The following BCL6 variants were observed in gnomAD, a reference collection of about 807,000 sequenced individuals.
BCL6 encodes BCL6 transcription repressor.
Under a neutral mutation model 59.5 loss-of-function variants are expected in BCL6, and 7 were observed. The ratio of observed to expected loss-of-function variants is 0.12; its 90% CI spans 0.07 to 0.22. BCL6 has a LOEUF of 0.22. Ranked by LOEUF, BCL6 falls within the 10% of genes least tolerant of loss-of-function variation. The pLI is 1.00. For synonymous variants in BCL6, 339 were observed against 349.7 expected, an observed-to-expected ratio of 0.97 and a Z score of 0.34; for missense variants, 685 against 939.4, an observed-to-expected ratio of 0.73 and a Z score of 3.54.
At position 187,723,409 on chromosome 3, in the gene BCL6, G is replaced by A. The variant is rs533320907; in HGVS notation, c.1978-808C>T. Among the ~76,000 whole-genome samples, 187 of 152,232 alleles carry A rather than the reference G, an allele frequency of 1.2e-3. 2 individuals are homozygous for A. The highest frequency in any genetic ancestry group is 6.8e-3 in the Middle Eastern group (2 of 294). ...AAGGACATTCTTAGATAAAAACAAA[G>A]AAAATGTAAGTAAAGTACGAACTTT... is the stretch of plus-strand genomic sequence containing the variant. On this transcript the variant is annotated intron_variant, in intron 9 of 9. Coordinates refer to ENST00000406870, the MANE Select transcript of BCL6 (RefSeq NM_001706.5).
chr3:187,734,586 G>C (rs1719201455), intron 2 of BCL6: 1 of 152,210 alleles, frequency 6.6e-6, no homozygotes, highest in South Asian at 2.1e-4. Flanking sequence ...TTAGGCTTTA[G>C]AGTTGCTTGA....
chr3:187,730,504 C>T lies in BCL6; in HGVS notation c.384-483G>A, dbSNP rs114688238. On this transcript the variant is annotated intron_variant, in intron 4 of 9. Coordinates refer to ENST00000406870, the MANE Select transcript of BCL6 (RefSeq NM_001706.5). ...ACACTTTTGGAGGATCATACACAAA[C>T]GAGTAGCCTACTGAAGAAAGAACTT... Among the ~76,000 whole-genome samples the T allele has an allele frequency of 3.3e-3, 501 of 152,294 alleles. 1 individual carries two copies. Among genetic ancestry groups the T allele is most frequent in the African/African-American group, 0.012 (478 of 41,554 alleles).
At chr3:187,744,606 C>G (rs1576885238) in intron 1 of BCL6, among the ~76,000 whole-genome samples, 1 of 152,136 alleles carries the variant, frequency 6.6e-6, no homozygotes, top group African/African-American at 2.4e-5. Context: ...CCAAAGAGTT[C>G]GCTTGCATTT....
chr3:187,725,084 C>T lies in BCL6; in HGVS notation c.1840-6G>A, dbSNP rs367579612. The T allele has an allele frequency of 7.2e-5, 116 of 1,613,748 alleles. 1 individual carries two copies. Among genetic ancestry groups the T allele is most frequent in the Middle Eastern group, 3.4e-4 (2 of 5,862 alleles). ...TGGGCACGGAGGTGGGCCACCTGAACGAAGAAGAAGGCATGAGAGGTCTTC... is the reference window on the plus strand; with the variant it reads ...TGGGCACGGAGGTGGGCCACCTGAATGAAGAAGAAGGCATGAGAGGTCTTC... On this transcript the variant is annotated splice_polypyrimidine_tract_variant and splice_region_variant and intron_variant, in intron 8 of 9. Transcript: ENST00000406870. The surrounding 1 kb of genome is among the most constrained non-coding windows in gnomAD (Gnocchi z 4.7).
intron 1 of BCL6, among the ~76,000 whole-genome samples, chr3:187,740,314 C>T (rs1325835267): frequency 5.9e-5 from 9 of 152,046 alleles, no homozygotes; most frequent in Non-Finnish European, 1.2e-4. Flanking sequence ...AATCGAGGCT[C>T]GCCCTGCAAG....
At chr3:187,728,103 C>T (rs982096001) in intron 6 of BCL6, among the ~76,000 whole-genome samples, 3 of 152,124 alleles carry the variant, frequency 2.0e-5, no homozygotes, top group African/African-American at 7.2e-5. Flanking sequence ...CTTTTGCTGG[C>T]ATGAAGCTAA....
intron 9 of BCL6, 127 bp downstream of exon 9, chr3:187,724,814 T>C (rs1269965694): frequency 1.2e-5 from 17 of 1,361,496 alleles, no homozygotes; most frequent in Non-Finnish European, 1.6e-5. Flanking sequence ...GTTGCCCCAC[T>C]GTGTGCTTGA....
At position 187,729,817 on chromosome 3, in the gene BCL6, G is replaced by A. The variant is rs565580481; in HGVS notation, c.588C>T (p.Ser196=). The A allele has an allele frequency of 6.2e-7, 1 of 1,614,096 alleles. No individual in the cohort carries two copies. The highest frequency in any genetic ancestry group is 1.7e-5 in the Admixed American group (1 of 60,012). The part of the protein sequence containing the change: ...SGLSTPPASY[S]MYSHLPVSSL... ...TGCTGACAGGGAGGTGGCTGTACAT[G>A]GAATAAGAGGCTGGCGGTGTGGACA... The change falls in exon 5 of 10, where the codon TCC becomes TCT. Residue 196 remains serine, a synonymous_variant. Transcript: ENST00000406870. This position sits in a 1 kb window ranked among gnomAD's most constrained non-coding sequence, Gnocchi z 5.6.
At chr3:187,730,281 T>C (rs1173719817) in intron 4 of BCL6, among the ~76,000 whole-genome samples, 1 of 152,226 alleles carries the variant, frequency 6.6e-6, no homozygotes, top group Non-Finnish European at 1.5e-5. Context: ...TAATCTTGTA[T>C]GTTTAAGGCA....
intron 1 of BCL6, among the ~76,000 whole-genome samples, chr3:187,739,356 C>T (rs1424894999): frequency 6.6e-6 from 1 of 152,198 alleles, no homozygotes; most frequent in East Asian, 1.9e-4. Context: ...CAGACACCAC[C>T]GTGGTCCGGC....
intron 6 of BCL6, among the ~76,000 whole-genome samples, chr3:187,727,376 T>C (rs1718766326): frequency 6.6e-6 from 1 of 152,274 alleles, no homozygotes; most frequent in Admixed American, 6.5e-5. Context: ...GAGGATATTA[T>C]ATTACACAAA....
intron 1 of BCL6, among the ~76,000 whole-genome samples, chr3:187,744,494 A>G: frequency 1.3e-5 from 2 of 152,226 alleles, no homozygotes; most frequent in Admixed American, 6.5e-5. Flanking sequence ...GGAACACCAA[A>G]ACACTCGGCT....
intron 4 of BCL6, 68 bp from the exon 5 acceptor site, chr3:187,730,089 T>G: frequency 1.3e-6 from 2 of 1,505,462 alleles, no homozygotes; most frequent in Non-Finnish European, 1.8e-6. Flanking sequence ...GACCTTCCAG[T>G]GACACTTATA....
At chr3:187,735,470 T>A (rs138805453) in intron 1 of BCL6, among the ~76,000 whole-genome samples, 2 of 152,340 alleles carry the variant, frequency 1.3e-5, no homozygotes, top group East Asian at 3.9e-4. Flanking sequence ...TTCCTGCCCA[T>A]CTGAAACATT....
rs1718898755 is a variant in BCL6, at chr3:187,729,274, T to C, written c.1131A>G (p.Lys377=). 2 of 1,614,150 alleles carry C rather than the reference T, an allele frequency of 1.2e-6. No homozygotes were observed. Among genetic ancestry groups the C allele is most frequent in the Admixed American group, 1.7e-5 (1 of 60,022 alleles). ...PTDPKACNWK[K]YKFIVLNSLN... ...GGCTGTTGAGCACGATGAACTTGTA[T>C]TTCTTCCAGTTGCAGGCTTTGGGGT... Residue 377 remains lysine, a synonymous_variant, in exon 5 of 10, where the codon AAA becomes AAG. Transcript: ENST00000406870. This position sits in a 1 kb window ranked among gnomAD's most constrained non-coding sequence, Gnocchi z 5.6.
chr3:187,741,026 A>T (rs1339094048), intron 1 of BCL6, among the ~76,000 whole-genome samples: 1 of 152,144 alleles, frequency 6.6e-6, no homozygotes, highest in African/African-American at 2.4e-5. Flanking sequence ...ACTCGATCTC[A>T]GCCCACCGCT....
At chr3:187,723,171 T>A (rs908187044) in intron 9 of BCL6, among the ~76,000 whole-genome samples, 4 of 152,226 alleles carry the variant, frequency 2.6e-5, no homozygotes, top group African/African-American at 4.8e-5. Flanking sequence ...TTCACGGAAA[T>A]TCTGGAGTCT....
intron 1 of BCL6, chr3:187,736,492 G>C (rs1040726372): frequency 2.6e-5 from 4 of 152,178 alleles, no homozygotes; most frequent in African/African-American, 7.2e-5. Flanking sequence ...TCAACCACCA[G>C]CTCGCTTGTG....
chr3:187,731,800 G>A lies in BCL6; in HGVS notation c.292C>T (p.Arg98Trp), dbSNP rs867240773. ...DFMYTSRLNLREGNIMAVMAT... is the reference protein window; with the variant it reads ...DFMYTSRLNLWEGNIMAVMAT... Reference sequence around the variant, plus strand: ...ATCACAGCCATGATGTTGCCCTCCCGCAAATTGAGCCGAGATGTGTACATG... The same window carrying A: ...ATCACAGCCATGATGTTGCCCTCCCACAAATTGAGCCGAGATGTGTACATG... The change falls in exon 4 of 10, where the codon CGG (arginine) becomes TGG (tryptophan). Residue 98 changes from arginine to tryptophan, a missense_variant. Arg to Trp is a moderately radical substitution (Grantham distance 101, BLOSUM62 -3). Transcript: ENST00000406870. 1.9e-6 allele frequency: 3 copies of A among 1,614,090 alleles called. No individual in the cohort carries two copies. Among genetic ancestry groups the A allele is most frequent in the East Asian group, 2.2e-5 (1 of 44,876 alleles).
Sources: gnomAD v4.1 joint callset for allele counts (sites outside exome capture counted in the v4.1 genomes callset) on GRCh38, gnomAD v4.1.1 for gene constraint, Gnocchi (gnomAD v3.1) non-coding constraint, MANE v1.5 for transcripts, NCBI Gene and HGNC (gene_info 2026-07-23, HGNC 2026-07-21) for gene names.